The following SYNJ1 variants were observed in gnomAD, a reference collection of about 807,000 sequenced individuals.
SYNJ1 encodes the protein polyphosphatidylinositol phosphatase SYNJ1.
SYNJ1 carries 78 observed loss-of-function variants against 168.2 expected under a neutral mutation model. The ratio of observed to expected loss-of-function variants is 0.46; its 90% confidence interval spans 0.39 to 0.56. The LOEUF is 0.56. Among genes scored for constraint, SYNJ1 ranks in the 20% least tolerant of loss-of-function variants. The pLI is 0.00. For missense variants in SYNJ1, 1,303 were observed against 1,597.6 expected (o/e 0.82, Z 3.14); for synonymous variants, 539 against 548.6 (o/e 0.98, Z 0.24).
intron 3 of SYNJ1, among the ~76,000 whole-genome samples, chr21:32,700,325 A>G (rs1225124256): frequency 6.6e-6 from 1 of 152,204 alleles, no homozygotes; most frequent in African/African-American, 2.4e-5. Flanking sequence ...CTCACACGAA[A>G]TTGTTCCTGA....
chr21:32,716,498 A>C (rs1253027417), intron 2 of SYNJ1, among the ~76,000 whole-genome samples: 1 of 152,122 alleles, frequency 6.6e-6, no homozygotes, highest in Non-Finnish European at 1.5e-5. Flanking sequence ...TCTGGCTTGG[A>C]TTGCTTGCAA....
intron 2 of SYNJ1, among the ~76,000 whole-genome samples, chr21:32,719,835 A>T (rs1347777606): frequency 3.4e-5 from 5 of 147,724 alleles, no homozygotes; most frequent in African/African-American, 4.9e-5. Context: ...TTTTTTCTGC[A>T]TTTTTTTTTT....
intron 15 of SYNJ1, among the ~76,000 whole-genome samples, chr21:32,669,001 A>G (rs186994208): frequency 3.7e-4 from 56 of 152,284 alleles, no homozygotes; most frequent in African/African-American, 1.3e-3. Flanking sequence ...GAAAAAAAAA[A>G]TGCCACTTCG....
rs2042652105 is a variant in SYNJ1, at chr21:32,707,353, C to G, written c.125-5306G>C. On this transcript the variant is annotated intron_variant, in intron 2 of 32. Coordinates refer to ENST00000674351, the MANE Select transcript of SYNJ1 (RefSeq NM_203446.3). ...CCACCCTGGAGTACAGTGGCACAAT[C>G]ATGACTCACTGTAACCTCAAGCTCC... Among the ~76,000 whole-genome samples the G allele has an allele frequency of 2.1e-5, 3 of 140,806 alleles. No individual in the cohort carries two copies. In the South Asian group the frequency reaches 7.2e-4, roughly 34 times the overall value. 92.4% of individuals were successfully genotyped at this position (140,806 alleles called of 152,430 possible). A position where few individuals can be genotyped will look rare whatever the true frequency, so the allele number is the denominator to read the frequency against.
At chr21:32,635,238 A>G (rs912362579) in intron 31 of SYNJ1, among the ~76,000 whole-genome samples, 1 of 152,180 alleles carries the variant, frequency 6.6e-6, no homozygotes, top group Non-Finnish European at 1.5e-5. Flanking sequence ...TGTTGATTCC[A>G]TAAGCCCCTG....
chr21:32,636,614 T>A (rs184655763), intron 31 of SYNJ1, among the ~76,000 whole-genome samples: 44 of 152,056 alleles, frequency 2.9e-4, no homozygotes, highest in Admixed American at 2.1e-3. Flanking sequence ...TAATTTAAAA[T>A]TTTTTTTATT....
At chr21:32,633,013 G>A (rs1601203258) in intron 32 of SYNJ1, among the ~76,000 whole-genome samples, 1 of 151,914 alleles carries the variant, frequency 6.6e-6, no homozygotes, top group Non-Finnish European at 1.5e-5. Flanking sequence ...GCAAAACTCC[G>A]CCTCAAAAAA....
At chr21:32,715,085 T>C (rs1019447357) in intron 2 of SYNJ1, among the ~76,000 whole-genome samples, 15 of 152,164 alleles carry the variant, frequency 9.9e-5, no homozygotes, top group African/African-American at 3.6e-4. Flanking sequence ...CAAAGATATA[T>C]TCCCAATGCT....
intron 2 of SYNJ1, among the ~76,000 whole-genome samples, chr21:32,719,847 G>C (rs1393961990): frequency 1.4e-5 from 2 of 143,854 alleles, no homozygotes; most frequent in Non-Finnish European, 3.0e-5. Context: ...TTTTTTTTTT[G>C]AACAGCTACA....
chr21:32,632,592 C>A (rs998354470), intron 32 of SYNJ1, among the ~76,000 whole-genome samples: 8 of 152,068 alleles, frequency 5.3e-5, no homozygotes, highest in Non-Finnish European at 8.8e-5. Context: ...CACTATGTTG[C>A]CCAGGCTGGT....
chr21:32,687,074 C>T lies in SYNJ1; in HGVS notation c.852G>A (p.Arg284=), dbSNP rs2041860617. 2 of 1,442,082 alleles carry T rather than the reference C, an allele frequency of 1.4e-6. No homozygotes were observed. Among genetic ancestry groups the T allele is most frequent in the South Asian group, 2.8e-5 (2 of 72,718 alleles). 89.3% of individuals were successfully genotyped at this position (1,442,082 alleles called of 1,614,324 possible). ...GFEANAPAFD[R]HFRTLKNLYG... is the part of the protein sequence containing the mutation. ...ATAAGTTCTTAAGTGTTCTAAAATG[C>T]CTATTTAAGAAAGAAAGGAAATAAA... The change falls in exon 8 of 33, where the codon AGG becomes AGA. Residue 284 remains arginine (R), a splice_region_variant and synonymous_variant. Transcript: ENST00000674351.
rs768301547 is a variant in SYNJ1 at position 32,701,882 on chromosome 21, T to G, written c.211+79A>C. The G allele has an allele frequency of 2.9e-6, 3 of 1,044,718 alleles. No individual in the cohort carries two copies. The Admixed American group carries it at 6.8e-5, about 24-fold the overall frequency. The allele number at this position is 1,044,718 out of a possible 1,614,324, so 64.7% of individuals were successfully genotyped here. A position where few individuals can be genotyped will look rare whatever the true frequency, so the allele number is the denominator to read the frequency against. On this transcript the variant is annotated intron_variant, in intron 3 of 32. Coordinates refer to ENST00000674351, the MANE Select transcript of SYNJ1 (RefSeq NM_203446.3). ...TAAATATGGAGTCTACAATAATTCA[T>G]AGCTAGTCCCTCTCAAATCCTTAGA...
intron 22 of SYNJ1, among the ~76,000 whole-genome samples, chr21:32,651,882 A>C (rs1443974802): frequency 2.0e-5 from 3 of 152,252 alleles, no homozygotes; most frequent in Non-Finnish European, 2.9e-5. Flanking sequence ...TATTTGTTTA[A>C]GATGTCCCTG....
At chr21:32,635,475 C>T (rs1720331584) in intron 31 of SYNJ1, among the ~76,000 whole-genome samples, 1 of 152,170 alleles carries the variant, frequency 6.6e-6, no homozygotes, top group African/African-American at 2.4e-5. Context: ...CTCACCAGAA[C>T]TCAACCATGC....
At chr21:32,715,476 A>G (rs1241136525) in intron 2 of SYNJ1, among the ~76,000 whole-genome samples, 1 of 151,946 alleles carries the variant, frequency 6.6e-6, no homozygotes. Context: ...TCTGTCTCAA[A>G]AAAAAAAAAA....
At chr21:32,656,181 C>T (rs566093874) in intron 21 of SYNJ1, among the ~76,000 whole-genome samples, 1 of 152,300 alleles carries the variant, frequency 6.6e-6, no homozygotes, top group East Asian at 1.9e-4. Context: ...CCTGTAATCC[C>T]AGCACTTTGT....
chr21:32,728,120 G>T (rs1335480901), upstream of SYNJ1: 3 of 1,431,368 alleles, frequency 2.1e-6, no homozygotes, highest in Admixed American at 4.9e-5. Context: ...CGCCCACTCT[G>T]CGCCGACCGG....
Position 32,676,343 on chromosome 21 carries a change from G to T in SYNJ1, c.1523C>A (p.Thr508Lys). 1 of 1,606,002 alleles carries T rather than the reference G, an allele frequency of 6.2e-7. No individual in the cohort carries two copies. Among genetic ancestry groups the T allele is most frequent in the Non-Finnish European group, 8.5e-7 (1 of 1,176,236 alleles). The stretch of plus-strand genomic sequence containing the variant: ...TTTCTATACTGTACCTGACTGTAAT[G>T]TCTGCTCAGAAACTATGGATGCAAC... ...TTGSLRVSEQTLQSASSKVLK... is the reference protein window; with the variant it reads ...TTGSLRVSEQKLQSASSKVLK... Residue 508 changes from threonine to lysine, a missense_variant, in exon 13 of 33, where the codon ACA becomes AAA. Physicochemically the swap from Thr to Lys is moderately conservative, Grantham distance 78. Around this residue, in one of 2 missense-constraint regions of SYNJ1, gnomAD observed 920 missense variants for 1,208.8 expected, o/e 0.76. Transcript: ENST00000674351.
chr21:32,711,619 C>T (rs530677785), intron 2 of SYNJ1, among the ~76,000 whole-genome samples: 11 of 152,232 alleles, frequency 7.2e-5, no homozygotes, highest in African/African-American at 2.6e-4. Flanking sequence ...TGTGAGCCAC[C>T]GCGCCCAGCA....
Sources: allele counts gnomAD v4.1 joint callset (sites outside exome capture counted in the v4.1 genomes callset), GRCh38; gene constraint gnomAD v4.1.1; regional missense constraint gnomAD v4.1.1; transcripts MANE v1.5; gene names NCBI Gene and HGNC (gene_info 2026-07-23, HGNC 2026-07-21).